HEATR5B: variants seen among roughly 807,000 people sequenced by gnomAD.
HEATR5B encodes the protein HEAT repeat-containing protein 5B.
Under a neutral mutation model 224.1 loss-of-function variants are expected in HEATR5B, and 156 were observed. The observed-to-expected ratio is 0.70, with a 90% CI of 0.61 to 0.80. HEATR5B has a LOEUF of 0.80. Ranked by LOEUF, HEATR5B falls within the 30% of genes least tolerant of loss-of-function variation. The pLI, the probability that HEATR5B is intolerant of heterozygous loss-of-function variation, is 0.00. For missense variants in HEATR5B, 2,323 were observed against 2,535.5 expected (o/e 0.92, Z 1.80); for synonymous variants, 1,027 against 893.0 (o/e 1.15, Z -2.68).
chr2:37,074,707 A>G (rs1487674576), intron 5 of HEATR5B, among the ~76,000 whole-genome samples: 2 of 152,262 alleles, frequency 1.3e-5, no homozygotes, highest in East Asian at 1.9e-4. Flanking sequence ...GTCAATAATT[A>G]TAAAACAACC....
chr2:36,997,116 T>A (rs924515091), intron 33 of HEATR5B, among the ~76,000 whole-genome samples: 4 of 107,230 alleles, frequency 3.7e-5, no homozygotes, highest in African/African-American at 1.5e-4. Context: ...TTATTGTCAG[T>A]TTTTCAGCTG....
At chr2:37,064,279 G>GTTTT (rs1168347754) in intron 10 of HEATR5B, among the ~76,000 whole-genome samples, 8 of 127,144 alleles carry the variant, frequency 6.3e-5, no homozygotes, top group Non-Finnish European at 1.0e-4. Flanking sequence ...CTAAGGTTGG[G>GTTTT]TTTTTTTTTT....
chr2:37,066,183 TATAAAA>T (rs1322720258), intron 8 of HEATR5B, among the ~76,000 whole-genome samples: 1 of 152,178 alleles, frequency 6.6e-6, no homozygotes, highest in Admixed American at 6.5e-5. Flanking sequence ...CAATCCAGTG[TATAAAA>T]GCACAGATAC....
At chr2:37,082,075 T>TG (rs1672610438) in intron 2 of HEATR5B, among the ~76,000 whole-genome samples, 2 of 104,538 alleles carry the variant, frequency 1.9e-5, no homozygotes, top group African/African-American at 3.6e-5. Context: ...TTTTTTTTTT[T>TG]TTTTTTTTTT....
intron 24 of HEATR5B, among the ~76,000 whole-genome samples, chr2:37,027,045 T>C (rs1668824669): frequency 6.6e-6 from 1 of 152,188 alleles, no homozygotes; most frequent in South Asian, 2.1e-4. Context: ...GTGATCCACC[T>C]GCCTCAGACT....
At chr2:37,066,746 G>C (rs529868271) in intron 8 of HEATR5B, among the ~76,000 whole-genome samples, 3 of 151,932 alleles carry the variant, frequency 2.0e-5, no homozygotes, top group Non-Finnish European at 2.9e-5. Context: ...ACGAATTTAT[G>C]ACCTTAACAT....
Position 37,034,317 on chromosome 2 carries a change from T to C in HEATR5B, c.3217-1544A>G, listed in dbSNP as rs184220357. ...CACCGCACCTGGCTGTTTGTTTTGT[T>C]TTTAAGACATCGCCGGCCGGGCGCG... On this transcript the variant is annotated intron_variant, in intron 21 of 35. Transcript: ENST00000233099. Among the ~76,000 whole-genome samples the C allele has an allele frequency of 2.5e-3, 363 of 147,428 alleles. 5 individuals carry two copies. Among genetic ancestry groups the C allele is most frequent in the African/African-American group, 8.7e-3 (351 of 40,574 alleles).
chr2:37,006,990 A>G (rs1430207838), intron 29 of HEATR5B, 60 bp downstream of exon 29: 4 of 1,525,840 alleles, frequency 2.6e-6, no homozygotes, highest in African/African-American at 2.7e-5. Context: ...TAGCTTTAAA[A>G]TGAAAGATAT....
At chr2:37,011,623 C>T (rs1667794386) in intron 27 of HEATR5B, among the ~76,000 whole-genome samples, 1 of 152,040 alleles carries the variant, frequency 6.6e-6, no homozygotes. Context: ...ATAGGGTTTT[C>T]CCATGTGAAT....
chr2:37,059,460 A>T (rs1484442353), intron 12 of HEATR5B, among the ~76,000 whole-genome samples: 3,379 of 105,072 alleles, frequency 0.032, 107 homozygotes, highest in Non-Finnish European at 0.044. Context: ...ATATATATAT[A>T]TATATTTTTT....
At chr2:36,990,579 T>C in intron 34 of HEATR5B, 69 bp downstream of exon 34, 2 of 1,336,068 alleles carry the variant, frequency 1.5e-6, no homozygotes, top group East Asian at 2.4e-5. Context: ...CATATTTTAA[T>C]GAATCAATCT....
At chr2:37,058,736 A>G in intron 13 of HEATR5B, 152 bp downstream of exon 13, 1 of 661,286 alleles carries the variant, frequency 1.5e-6, no homozygotes, top group East Asian at 2.7e-5. Flanking sequence ...CTGTATTTCA[A>G]TCCACACCAT....
intron 24 of HEATR5B, among the ~76,000 whole-genome samples, chr2:37,025,236 C>A (rs1668695968): frequency 6.6e-6 from 1 of 152,072 alleles, no homozygotes; most frequent in African/African-American, 2.4e-5. Context: ...GGAGCTGTTA[C>A]AACAGCTTAC....
intron 28 of HEATR5B, 102 bp downstream of exon 28, chr2:37,008,509 A>G: frequency 1.3e-6 from 1 of 799,736 alleles, no homozygotes; most frequent in Non-Finnish European, 2.2e-6. Context: ...AGAAATTTAA[A>G]CTGTTACTAT....
intron 15 of HEATR5B, 98 bp downstream of exon 15, chr2:37,057,219 A>T: frequency 1.1e-6 from 1 of 893,582 alleles, no homozygotes; most frequent in Non-Finnish European, 1.6e-6. Context: ...AATGGGGATT[A>T]AACCTTTCTA....
Position 37,014,974 on chromosome 2 carries a change from A to AAAAG in HEATR5B, c.4105-958_4105-955dup, listed in dbSNP as rs560173881. On this transcript the variant is annotated intron_variant, in intron 26 of 35. Transcript: ENST00000233099. ...CCACGACAGGGCGAGACTTTGTCTC[A>AAAAG]AAAGAAAGAAAGAAAAAAAAAGGAA... Among the ~76,000 whole-genome samples the AAAAG allele has an allele frequency of 2.1e-4, 32 of 152,270 alleles. No homozygotes were observed. In the South Asian group the frequency reaches 5.0e-3, roughly 24 times the overall value.
rs368739132 is a variant in HEATR5B, at chr2:37,029,670, G to C, written c.3362-750C>G. Among the ~76,000 whole-genome samples the C allele has an allele frequency of 9.9e-5, 15 of 152,110 alleles. No homozygotes were observed. The East Asian group carries it at 1.2e-3, about 12-fold the overall frequency. The stretch of plus-strand genomic sequence containing the variant: ...CAAGAGTGAAACTCCACTGGGCACA[G>C]TGGCTCATGCCTGTAATCCCAGCAC... On this transcript the variant is annotated intron_variant, in intron 22 of 35. Coordinates refer to ENST00000233099, the MANE Select transcript of HEATR5B (RefSeq NM_019024.3).
At chr2:37,034,914 A>G (rs1669382392) in intron 21 of HEATR5B, among the ~76,000 whole-genome samples, 1 of 152,152 alleles carries the variant, frequency 6.6e-6, no homozygotes, top group East Asian at 1.9e-4. Context: ...GGAGCTTTCA[A>G]ATACTCCATA....
At chr2:37,073,555 A>G (rs1447199677) in intron 5 of HEATR5B, among the ~76,000 whole-genome samples, 1 of 152,176 alleles carries the variant, frequency 6.6e-6, no homozygotes, top group African/African-American at 2.4e-5. Context: ...GGACGTTGAC[A>G]TTGATAGAAT....
Sources: allele counts gnomAD v4.1 joint callset (sites outside exome capture counted in the v4.1 genomes callset), GRCh38; gene constraint gnomAD v4.1.1; transcripts MANE v1.5; gene names NCBI Gene and HGNC (gene_info 2026-07-23, HGNC 2026-07-21).